The following KANK1 variants were observed in gnomAD, a reference collection of about 807,000 sequenced individuals.
KANK1 encodes the protein KN motif and ankyrin repeat domain-containing protein 1.
KANK1 carries 109 observed loss-of-function variants against 106.2 expected under a neutral mutation model. The observed-to-expected ratio is 1.03, with a 90% CI of 0.88 to 1.20. The LOEUF (loss-of-function observed/expected upper bound fraction) is 1.20, where lower values mean the gene tolerates loss of function less well. Among genes scored for constraint, KANK1 ranks in the 50% most tolerant of loss-of-function variants. KANK1 has a pLI of 0.00. For missense variants in KANK1, 2,399 were observed against 1,710.7 expected (o/e 1.40, Z -7.10); for synonymous variants, 873 against 652.2 (o/e 1.34, Z -5.16).
chr9:580,375 CTG>C (rs1821753570), intron 1 of KANK1, among the ~76,000 whole-genome samples: 1 of 152,196 alleles, frequency 6.6e-6, no homozygotes, highest in South Asian at 2.1e-4. Flanking sequence ...AGCTTCCACA[CTG>C]TGGGAGGGGA....
At chr9:575,026 C>G (rs1820179369) in intron 1 of KANK1, among the ~76,000 whole-genome samples, 1 of 152,020 alleles carries the variant, frequency 6.6e-6, no homozygotes, top group African/African-American at 2.4e-5. Context: ...CTAACATTTG[C>G]TAGGCTTTAT....
intron 1 of KANK1, among the ~76,000 whole-genome samples, chr9:536,592 G>T (rs562550656): frequency 6.6e-6 from 1 of 152,104 alleles, no homozygotes; most frequent in Non-Finnish European, 1.5e-5. Context: ...CATTTCTTCT[G>T]GCTCCTCTTA....
In KANK1 at chr9:672,369, C is replaced by T. The variant is rs551733038; in HGVS notation, c.-83-4521C>T. Among the ~76,000 whole-genome samples the T allele has an allele frequency of 6.0e-4, 91 of 152,278 alleles. 1 individual carries two copies. Among genetic ancestry groups the T allele is most frequent in the African/African-American group, 2.0e-3 (85 of 41,552 alleles). On this transcript the variant is annotated intron_variant, in intron 1 of 11. Transcript: ENST00000382297. ...TCAGTGGTAAGGTATGCATTTTTCTCATATGGCCTCTGAAATGAGGATGTG... is the reference window on the plus strand; with the variant it reads ...TCAGTGGTAAGGTATGCATTTTTCTTATATGGCCTCTGAAATGAGGATGTG...
chr9:698,650 G>C (rs970029554), intron 2 of KANK1, among the ~76,000 whole-genome samples: 2 of 152,106 alleles, frequency 1.3e-5, no homozygotes, highest in African/African-American at 2.4e-5. Context: ...GGCTAGCCCA[G>C]ATGCAGACAG....
chr9:503,440 T>G (rs1427934685), upstream of KANK1, among the ~76,000 whole-genome samples: 1 of 152,166 alleles, frequency 6.6e-6, no homozygotes, highest in Non-Finnish European at 1.5e-5. Context: ...CCCTAAACAG[T>G]CAGGAGCCAT....
chr9:613,770 C>G (rs1282445401), intron 1 of KANK1, among the ~76,000 whole-genome samples: 1 of 151,906 alleles, frequency 6.6e-6, no homozygotes, highest in Non-Finnish European at 1.5e-5. Context: ...GGTTCATGAG[C>G]CCCTTAAGTT....
In KANK1 at chr9:712,629, T is replaced by C. The variant is rs1349424983; in HGVS notation, c.1863T>C (p.Asn621=). Residue 621 remains asparagine (N), a synonymous_variant, in exon 3 of 12, where the codon AAT becomes AAC. Coordinates refer to ENST00000382297, the MANE Select transcript of KANK1 (RefSeq NM_015158.5). Reference sequence around the variant, plus strand: ...TCACACTCCTCAAGACAAACTTGAATCTCAAAGAAGTGCGGTCTATCGGTT... The same window carrying C: ...TCACACTCCTCAAGACAAACTTGAACCTCAAAGAAGTGCGGTCTATCGGTT... The part of the protein sequence containing the change: ...NDLTLLKTNL[N]LKEVRSIGCG... The C allele has an allele frequency of 6.2e-7, 1 of 1,614,032 alleles. No homozygotes were observed. The highest frequency in any genetic ancestry group is 1.3e-5 in the African/African-American group (1 of 74,914).
At chr9:668,563 T>A (rs1432985530) in intron 1 of KANK1, among the ~76,000 whole-genome samples, 1 of 152,214 alleles carries the variant, frequency 6.6e-6, no homozygotes, top group South Asian at 2.1e-4. Flanking sequence ...TTTCTTCCTG[T>A]CATCCTTTAT....
At chr9:524,852 T>C (rs1241280222) in intron 1 of KANK1, among the ~76,000 whole-genome samples, 1 of 151,506 alleles carries the variant, frequency 6.6e-6, no homozygotes, top group Non-Finnish European at 1.5e-5. Context: ...GAAATAGTAA[T>C]TTTGGGTATG....
chr9:713,386 A>T lies in KANK1; in HGVS notation c.2620A>T (p.Asn874Tyr), dbSNP rs1365107679. Residue 874 changes from asparagine to tyrosine, a missense_variant, in exon 3 of 12, where the codon AAC (asparagine) becomes TAC (tyrosine). Transcript: ENST00000382297. ...GCTCATCAGCACCCTGTCGTCTATC[A>T]ACTCTGTCATGAAATCTGCAAGCAC... ...SQLISTLSSI[N>Y]SVMKSASTEE... 1 of 1,613,784 alleles carries T rather than the reference A, an allele frequency of 6.2e-7. No homozygotes were observed. Among genetic ancestry groups the T allele is most frequent in the East Asian group, 2.2e-5 (1 of 44,892 alleles).
chr9:511,797 C>T (rs1464429192), intron 1 of KANK1, among the ~76,000 whole-genome samples: 3 of 152,160 alleles, frequency 2.0e-5, no homozygotes, highest in African/African-American at 7.2e-5. Flanking sequence ...GGTGTGATAA[C>T]TGCTGTTTCT....
At chr9:737,644 T>G (rs1296485021) in intron 7 of KANK1, among the ~76,000 whole-genome samples, 2 of 152,094 alleles carry the variant, frequency 1.3e-5, no homozygotes, top group African/African-American at 4.8e-5. Flanking sequence ...GGGGTTCCCT[T>G]TTATTTTCCC....
At chr9:610,215 G>A (rs187005101) in intron 1 of KANK1, among the ~76,000 whole-genome samples, 8,829 of 152,106 alleles carry the variant, frequency 0.058, 822 homozygotes, top group African/African-American at 0.2. Flanking sequence ...TAATTTGGTT[G>A]AACACTTACG....
chr9:732,540 A>G lies in KANK1; in HGVS notation c.3168A>G (p.Glu1056=), dbSNP rs1832602220. ...MAEGHHAVNI[E]GLKSARVEDE... ...AAGGGCACCATGCAGTTAATATTGA[A>G]GGTTTGAAGTCTGCCAGGGTGGAAG... The change falls in exon 6 of 12, where the codon GAA becomes GAG. Residue 1056 remains glutamate, a synonymous_variant. Coordinates refer to ENST00000382297, the MANE Select transcript of KANK1 (RefSeq NM_015158.5). The G allele has an allele frequency of 1.9e-6, 3 of 1,614,052 alleles. No homozygotes were observed. Among genetic ancestry groups the G allele is most frequent in the Non-Finnish European group, 2.5e-6 (3 of 1,180,044 alleles).
intron 7 of KANK1, 108 bp downstream of exon 7, chr9:734,943 C>A (rs1276301998): frequency 1.3e-6 from 1 of 773,690 alleles, no homozygotes; most frequent in East Asian, 2.6e-5. Context: ...ATGCTTTTCT[C>A]CTGAACTGTT....
chr9:480,110 G>A (rs1016927671), intron 3 of KANK1, among the ~76,000 whole-genome samples: 13 of 152,156 alleles, frequency 8.5e-5, no homozygotes, highest in East Asian at 1.9e-4. Context: ...AATAATTGCC[G>A]GAGTTGCATT....
At chr9:560,972 G>C (rs1452232630) in intron 1 of KANK1, among the ~76,000 whole-genome samples, 1 of 152,132 alleles carries the variant, frequency 6.6e-6, no homozygotes, top group African/African-American at 2.4e-5. Context: ...GCCTTCTCTG[G>C]CAGCTTTAAT....
At chr9:693,560 T>C (rs1342072283) in intron 2 of KANK1, 1 of 985,326 alleles carries the variant, frequency 1.0e-6, no homozygotes, top group Non-Finnish European at 1.2e-6. Flanking sequence ...TTTTGTTTGT[T>C]GGTAATTTTT....
intron 3 of KANK1, among the ~76,000 whole-genome samples, chr9:726,195 T>C (rs1341555944): frequency 7.6e-6 from 1 of 131,390 alleles, no homozygotes; most frequent in Non-Finnish European, 1.5e-5. Flanking sequence ...TCTGGTGTGC[T>C]AGGGCAGGCC....
Sources: allele counts gnomAD v4.1 joint callset (sites outside exome capture counted in the v4.1 genomes callset), GRCh38; gene constraint gnomAD v4.1.1; transcripts MANE v1.5; gene names NCBI Gene and HGNC (gene_info 2026-07-23, HGNC 2026-07-21).